ENOX2: variants seen among roughly 807,000 people sequenced by gnomAD.
ENOX2 encodes ecto-NOX disulfide-thiol exchanger 2, also known as APK1 antigen.
A neutral mutation model predicts 45.0 loss-of-function variants in ENOX2; 36 were observed. The ratio of observed to expected loss-of-function variants is 0.80; its 90% CI spans 0.61 to 1.06. The LOEUF (loss-of-function observed/expected upper bound fraction) is 1.06. Ranked by LOEUF, ENOX2 falls within the 50% of genes least tolerant of loss-of-function variation. ENOX2 has a pLI of 0.00. For synonymous variants in ENOX2, 174 were observed against 152.3 expected, an observed-to-expected ratio of 1.14 and a Z score of -1.05; for missense variants, 423 against 462.5, an observed-to-expected ratio of 0.91 and a Z score of 0.78.
intron 2 of ENOX2, among the ~76,000 whole-genome samples, chrX:130,869,808 C>G: frequency 8.9e-6 from 1 of 111,997 alleles, no homozygotes; most frequent in Admixed American, 9.5e-5. Flanking sequence ...CCTCCTTCCC[C>G]AGGTAAAGAA....
chrX:130,827,608 C>T (rs926688170), intron 2 of ENOX2, among the ~76,000 whole-genome samples: 1 of 111,438 alleles, frequency 9.0e-6, no homozygotes, highest in Non-Finnish European at 1.9e-5. Flanking sequence ...ATTACAGTAT[C>T]TGGCATATAG....
intron 2 of ENOX2, among the ~76,000 whole-genome samples, chrX:130,846,669 A>T (rs1212835017): frequency 8.9e-6 from 1 of 112,938 alleles, no homozygotes; most frequent in Non-Finnish European, 1.9e-5. Flanking sequence ...CTAACATTGT[A>T]CATGCAAGTA....
At chrX:130,753,844 T>C (rs2039285959) in intron 3 of ENOX2, among the ~76,000 whole-genome samples, 1 of 111,341 alleles carries the variant, frequency 9.0e-6, no homozygotes, top group Non-Finnish European at 1.9e-5. Flanking sequence ...CTCTTTGATA[T>C]ACTGATTTCT....
intron 10 of ENOX2, among the ~76,000 whole-genome samples, chrX:130,648,285 A>T (rs1318779767): frequency 5.5e-5 from 6 of 109,968 alleles, no homozygotes; most frequent in African/African-American, 1.3e-4. Context: ...CTAAAAATAC[A>T]AAATTAGCCG....
intron 3 of ENOX2, among the ~76,000 whole-genome samples, chrX:130,770,711 A>C (rs769325597): frequency 8.9e-6 from 1 of 112,207 alleles, no homozygotes; most frequent in Non-Finnish European, 1.9e-5. Flanking sequence ...ATCATTCCTG[A>C]CCTGTCAAAT....
intron 6 of ENOX2, among the ~76,000 whole-genome samples, chrX:130,675,928 A>T (rs1377678931): frequency 8.9e-6 from 1 of 112,446 alleles, no homozygotes; most frequent in Admixed American, 9.4e-5. Context: ...TATTATAGCT[A>T]ATTAAAGCTG....
At chrX:130,677,001 T>A (rs767093736) in intron 6 of ENOX2, among the ~76,000 whole-genome samples, 3 of 112,362 alleles carry the variant, frequency 2.7e-5, no homozygotes, top group Non-Finnish European at 3.8e-5. Context: ...CCTCCTCTCA[T>A]GTCTACTTAG....
At chrX:130,898,435 T>C (rs1368325188) in intron 2 of ENOX2, among the ~76,000 whole-genome samples, 1 of 112,077 alleles carries the variant, frequency 8.9e-6, no homozygotes, top group African/African-American at 3.2e-5. Context: ...TTTTTTTGTG[T>C]GTTTACCATT....
intron 3 of ENOX2, among the ~76,000 whole-genome samples, chrX:130,705,447 T>C (rs1306570695): frequency 6.2e-5 from 7 of 112,349 alleles, no homozygotes; most frequent in Admixed American, 3.8e-4. Context: ...ATTTTCAAAA[T>C]GTATAGTAAT....
chrX:130,660,397 G>A (rs1452772238), intron 9 of ENOX2, among the ~76,000 whole-genome samples: 2 of 111,846 alleles, frequency 1.8e-5, no homozygotes, highest in African/African-American at 6.5e-5. Flanking sequence ...TGATGTCTGA[G>A]CTACTTGTCT....
intron 3 of ENOX2, among the ~76,000 whole-genome samples, chrX:130,708,867 T>C (rs376703382): frequency 4.5e-5 from 5 of 111,421 alleles, no homozygotes; most frequent in African/African-American, 9.8e-5. Context: ...AAATTTTAAA[T>C]GGAAAAAGAA....
chrX:130,816,855 T>C (rs182187073), intron 2 of ENOX2, among the ~76,000 whole-genome samples: 18 of 111,056 alleles, frequency 1.6e-4, no homozygotes, highest in African/African-American at 5.6e-4. Flanking sequence ...TTAAAAGAAC[T>C]AAAGCAGCAA....
At chrX:130,725,380 T>G (rs2038580953) in intron 3 of ENOX2, among the ~76,000 whole-genome samples, 1 of 106,312 alleles carries the variant, frequency 9.4e-6, no homozygotes, top group Non-Finnish European at 1.9e-5. Context: ...GCAAAAAATT[T>G]TGTAAAATGG....
At chrX:130,861,565 A>G (rs887773968) in intron 2 of ENOX2, among the ~76,000 whole-genome samples, 1 of 111,992 alleles carries the variant, frequency 8.9e-6, no homozygotes, top group African/African-American at 3.2e-5. Flanking sequence ...TATATGATGA[A>G]TATAAAGTAG....
chrX:130,789,175 G>A (rs2077007737), intron 2 of ENOX2, among the ~76,000 whole-genome samples: 2 of 112,384 alleles, frequency 1.8e-5, no homozygotes, highest in Non-Finnish European at 3.8e-5. Flanking sequence ...TGCAGGTCAA[G>A]GAGTTCACAA....
chrX:130,801,972 CAG>C (rs1452218014), intron 2 of ENOX2, among the ~76,000 whole-genome samples: 3 of 112,219 alleles, frequency 2.7e-5, no homozygotes, highest in Non-Finnish European at 5.6e-5. Context: ...TCCTTGAAGA[CAG>C]GGGATCCTGT....
intron 2 of ENOX2, among the ~76,000 whole-genome samples, chrX:130,871,990 T>G (rs2078602913): frequency 8.9e-6 from 1 of 111,978 alleles, no homozygotes. Flanking sequence ...TAGAAACTTT[T>G]TCTTCTATTT....
At chrX:130,887,779 C>T (rs929227091) in intron 2 of ENOX2, among the ~76,000 whole-genome samples, 10 of 111,557 alleles carry the variant, frequency 9.0e-5, no homozygotes, top group Admixed American at 6.7e-4. Flanking sequence ...CAGAACTTTA[C>T]GATTTGCATG....
At chrX:130,835,229 T>G (rs1386970215) in intron 2 of ENOX2, among the ~76,000 whole-genome samples, 1 of 111,723 alleles carries the variant, frequency 9.0e-6, no homozygotes, top group Non-Finnish European at 1.9e-5. Flanking sequence ...CTGAATGAGC[T>G]ATATAGAAAA....
Sources: allele counts gnomAD v4.1 joint callset (sites outside exome capture counted in the v4.1 genomes callset), GRCh38; gene constraint gnomAD v4.1.1; transcripts MANE v1.5; gene names NCBI Gene and HGNC (gene_info 2026-07-23, HGNC 2026-07-21).